The following LTBP4 variants were observed in gnomAD, a reference collection of about 807,000 sequenced individuals.
LTBP4 encodes latent-transforming growth factor beta-binding protein 4.
A neutral mutation model predicts 180.2 loss-of-function variants in LTBP4; 93 were observed. The observed-to-expected ratio is 0.52, with a 90% CI of 0.44 to 0.61. The LOEUF (loss-of-function observed/expected upper bound fraction) is 0.61, where lower values mean the gene tolerates loss of function less well. Ranked by LOEUF, LTBP4 falls within the 20% of genes least tolerant of loss-of-function variation. The pLI, the probability that LTBP4 is intolerant of heterozygous loss-of-function variation, is 0.00. For synonymous variants in LTBP4, 947 were observed against 934.5 expected (o/e 1.01, Z -0.24); for missense variants, 2,116 against 2,256.5 (o/e 0.94, Z 1.26).
upstream of LTBP4, among the ~76,000 whole-genome samples, chr19:40,598,156 A>G (rs1429711646): frequency 1.1e-4 from 17 of 149,734 alleles, no homozygotes; most frequent in Admixed American, 1.1e-3. Flanking sequence ...CTCCGTTACA[A>G]AGGCCCCGGG....
chr19:40,628,772 G>A (rs1161174735), intron 29 of LTBP4, among the ~76,000 whole-genome samples: 2 of 152,130 alleles, frequency 1.3e-5, no homozygotes, highest in African/African-American at 4.8e-5. Context: ...GAAGGACAAA[G>A]TTAATACTTG....
At position 40,605,739 on chromosome 19, in the gene LTBP4, C is replaced by T; in HGVS notation, c.701C>T (p.Pro234Leu). Residue 234 changes from proline to leucine, a missense_variant, in exon 4 of 30, where the codon CCG becomes CTG. Pro to Leu is a moderately conservative substitution (Grantham distance 98). Transcript: ENST00000396819. The surrounding 1 kb of genome is among the most constrained non-coding windows in gnomAD (Gnocchi z 5.5). The part of the protein sequence containing the change: ...RELRGGECAS[P>L]LPGLRTQEVC... Reference sequence around the variant, plus strand: ...AACACTTCCCCGCAGTGCGCGTCCCCGCTGCCCGGGCTCCGGACGCAGGAG... The same window carrying T: ...AACACTTCCCCGCAGTGCGCGTCCCTGCTGCCCGGGCTCCGGACGCAGGAG... 1 of 1,545,684 alleles carries T rather than the reference C, an allele frequency of 6.5e-7. No individual in the cohort carries two copies. Among genetic ancestry groups the T allele is most frequent in the Non-Finnish European group, 8.7e-7 (1 of 1,146,552 alleles).
Position 40,612,167 on chromosome 19 carries a change from C to T in LTBP4, c.2274C>T (p.His758=). ...SFQCRTCPSG[H]HLHRGRCTDV... is the part of the protein sequence containing the mutation. The stretch of plus-strand genomic sequence containing the variant: ...AGTGCAGGACCTGTCCTTCTGGCCA[C>T]CACCTGCACCGTGGCAGATGCACTG... The change falls in exon 15 of 30, where the codon CAC becomes CAT. Residue 758 remains histidine, a synonymous_variant. Coordinates refer to ENST00000396819, the MANE Select transcript of LTBP4 (RefSeq NM_001042545.2). The T allele has an allele frequency of 1.2e-6, 2 of 1,609,456 alleles. No homozygotes were observed. The highest frequency in any genetic ancestry group is 1.7e-6 in the Non-Finnish European group (2 of 1,178,192).
rs1227258409 is a variant in LTBP4, at chr19:40,622,665, C to A, written c.3482C>A (p.Thr1161Lys). 1.4e-5 allele frequency: 22 copies of A among 1,599,414 alleles called. No homozygotes were observed. The highest frequency in any genetic ancestry group is 1.7e-5 in the Non-Finnish European group (20 of 1,172,738). The part of the protein sequence containing the change: ...CRIQQCPGTE[T>K]AEYQSLCPHG... ...ATCCAGCAGTGCCCGGGCACCGAGA[C>A]AGGTGGGCATGGGCTGATGGGGACA... is the stretch of plus-strand genomic sequence containing the variant. Residue 1161 changes from threonine (T) to lysine (K), a missense_variant and splice_region_variant, in exon 23 of 30, where the codon ACA becomes AAA. Physicochemically the swap from Thr to Lys is moderately conservative, Grantham distance 78 (BLOSUM62 -1). This residue lies in a region of LTBP4 where 278 missense variants were observed against 373.0 expected (regional missense o/e 0.75). Transcript: ENST00000396819. The surrounding 1 kb of genome is among the most constrained non-coding windows in gnomAD (Gnocchi z 5.1).
rs569910924 is a variant in LTBP4 at position 40,613,315 on chromosome 19, A to G, written c.2432-89A>G. ...TGTGGGAGGAGCTTAGAAACCTGGC[A>G]TTGGTGGGGGCGGGGTTACTGCGAT... On this transcript the variant is annotated intron_variant, in intron 16 of 29. Coordinates refer to ENST00000396819, the MANE Select transcript of LTBP4 (RefSeq NM_001042545.2). This position sits in a 1 kb window ranked among gnomAD's most constrained non-coding sequence, Gnocchi z 5.0. 5.8e-4 allele frequency: 904 copies of G among 1,549,458 alleles called. 7 individuals are homozygous for G. Among genetic ancestry groups the G allele is most frequent in the Middle Eastern group, 8.4e-4 (5 of 5,980 alleles).
chr19:40,613,168 G>C lies in LTBP4; in HGVS notation c.2403G>C (p.Ala801=), dbSNP rs761658177. 6.4e-7 allele frequency: 1 copy of C among 1,570,756 alleles called. No homozygotes were observed. The highest frequency in any genetic ancestry group is 1.9e-5 in the Admixed American group (1 of 53,404). Residue 801 remains alanine, a synonymous_variant, in exon 16 of 30, where the codon GCG becomes GCC. Transcript: ENST00000396819. The surrounding 1 kb of genome is among the most constrained non-coding windows in gnomAD (Gnocchi z 5.0). ...FRCSCAPGYR[A]PSGRPGPCAD... ...GCAGCTGCGCGCCAGGCTACCGGGC[G>C]CCGTCGGGTCGGCCCGGGCCCTGCG...
At chr19:40,619,161 A>T (rs1206285153) in intron 21 of LTBP4, among the ~76,000 whole-genome samples, 186 bp from the exon 22 acceptor site, 1 of 152,096 alleles carries the variant, frequency 6.6e-6, no homozygotes, top group Admixed American at 6.6e-5. Context: ...AAAGAACAGG[A>T]TTGAAAATAG....
At position 40,609,455 on chromosome 19, in the gene LTBP4, G is replaced by A; in HGVS notation, c.1427-75G>A. The A allele has an allele frequency of 6.3e-7, 1 of 1,574,958 alleles. No individual in the cohort carries two copies. The highest frequency in any genetic ancestry group is 8.7e-7 in the Non-Finnish European group (1 of 1,150,944). On this transcript the variant is annotated intron_variant, in intron 9 of 29. Transcript: ENST00000396819. This position sits in a 1 kb window ranked among gnomAD's most constrained non-coding sequence, Gnocchi z 4.9. ...GAAGGTGTTTTATGGATGTCTCCGGGGGTGGGGGTTTTACTGGGATGAAAG... is the reference window on the plus strand; with the variant it reads ...GAAGGTGTTTTATGGATGTCTCCGGAGGTGGGGGTTTTACTGGGATGAAAG...
At position 40,619,355 on chromosome 19, in the gene LTBP4, G is replaced by T; in HGVS notation, c.3079G>T (p.Glu1027Ter). The change falls in exon 22 of 30, where the codon GAG becomes TAG. Residue 1027 changes from glutamate (E) to a stop codon, truncating the protein, a stop_gained. Coordinates refer to ENST00000396819, the MANE Select transcript of LTBP4 (RefSeq NM_001042545.2). LOFTEE classifies it high-confidence loss of function. ...RDGRHCVDVNECETLQGVCGA... is the reference protein window; with the variant it reads ...RDGRHCVDVN ...TTGTCTCCTGCTTACAGATGTGAAC[G>T]AGTGTGAAACACTACAGGGTGTATG... is the stretch of plus-strand genomic sequence containing the variant. 6.2e-7 allele frequency: 1 copy of T among 1,613,570 alleles called. No individual in the cohort carries two copies. The highest frequency in any genetic ancestry group is 8.5e-7 in the Non-Finnish European group (1 of 1,179,624).
At position 40,627,787 on chromosome 19, in the gene LTBP4, C is replaced by T; in HGVS notation, c.4449C>T (p.Arg1483=). 1.3e-6 allele frequency: 2 copies of T among 1,569,698 alleles called. No individual in the cohort carries two copies. Among genetic ancestry groups the T allele is most frequent in the Non-Finnish European group, 1.7e-6 (2 of 1,161,842 alleles). The change falls in exon 29 of 30, where the codon CGC becomes CGT. Residue 1483 remains arginine (R), a synonymous_variant. Transcript: ENST00000396819. The stretch of plus-strand genomic sequence containing the variant: ...GCTGCACCAACGGCCGCTGCGTGCG[C>T]GTCCCCGAAGGCTTCACCTGCCGTT... ...LDGCTNGRCV[R]VPEGFTCRCF...
At chr19:40,625,634 T>C (rs1490678171) in intron 26 of LTBP4, among the ~76,000 whole-genome samples, 2 of 152,114 alleles carry the variant, frequency 1.3e-5, no homozygotes, top group African/African-American at 4.8e-5. Context: ...CTCCCAGTCA[T>C]TGGACACCTT....
In LTBP4 at chr19:40,611,912, A is replaced by G; in HGVS notation, c.2107A>G (p.Asn703Asp). 6.2e-7 allele frequency: 1 copy of G among 1,610,332 alleles called. No homozygotes were observed. Among genetic ancestry groups the G allele is most frequent in the African/African-American group, 1.3e-5 (1 of 74,904 alleles). Residue 703 changes from asparagine to aspartate, a missense_variant, in exon 14 of 30, where the codon AAC (asparagine) becomes GAC (aspartate). Asn to Asp is a conservative substitution (Grantham distance 23). Around this residue, in one of 5 missense-constraint regions of LTBP4, gnomAD observed 877 missense variants for 873.6 expected, o/e 1.00. Coordinates refer to ENST00000396819, the MANE Select transcript of LTBP4 (RefSeq NM_001042545.2). This position sits in a 1 kb window ranked among gnomAD's most constrained non-coding sequence, Gnocchi z 4.4. ...PPPCTYGRCE[N>D]TEGSFQCVCP... ...ACCCTGCACCTACGGCCGGTGTGAG[A>G]ACACAGAAGGCAGCTTCCAGTGTGT...
chr19:40,627,650 G>A, intron 28 of LTBP4, 55 bp from the exon 29 acceptor site: 1 of 1,547,866 alleles, frequency 6.5e-7, no homozygotes, highest in Non-Finnish European at 8.7e-7. Flanking sequence ...CCACCGTTGT[G>A]GGTAAGGGGT....
rs1409557193 is a variant in LTBP4 at position 40,612,059 on chromosome 19, C to A, written c.2180-14C>A. The A allele has an allele frequency of 1.2e-6, 2 of 1,612,818 alleles. No individual in the cohort carries two copies. Among genetic ancestry groups the A allele is most frequent in the Non-Finnish European group, 1.7e-6 (2 of 1,179,458 alleles). ...GACCACTTCTTCAAGGCCACCCTCTCCCCTGCCCCCCAGATGTGGATGAGT... is the reference window on the plus strand; with the variant it reads ...GACCACTTCTTCAAGGCCACCCTCTACCCTGCCCCCCAGATGTGGATGAGT... On this transcript the variant is annotated splice_polypyrimidine_tract_variant and intron_variant, in intron 14 of 29. Transcript: ENST00000396819.
At position 40,611,055 on chromosome 19, in the gene LTBP4, G is replaced by C. The variant is rs2081501813; in HGVS notation, c.1811-97G>C. The C allele has an allele frequency of 6.6e-7, 1 of 1,514,944 alleles. No individual in the cohort carries two copies. Among genetic ancestry groups the C allele is most frequent in the African/African-American group, 1.4e-5 (1 of 72,968 alleles). The allele number at this position is 1,514,944 out of a possible 1,614,324, so 93.8% of individuals were successfully genotyped here. ...GGTGACAAGGAGGAATAGAGATGGG[G>C]TCACGGGGACAGAATGTTGGAGGGT... is the stretch of plus-strand genomic sequence containing the variant. On this transcript the variant is annotated intron_variant, in intron 12 of 29. Transcript: ENST00000396819. The surrounding 1 kb of genome is among the most constrained non-coding windows in gnomAD (Gnocchi z 4.4).
upstream of LTBP4, among the ~76,000 whole-genome samples, chr19:40,598,809 A>C (rs2081404895): frequency 6.6e-6 from 1 of 152,088 alleles, no homozygotes; most frequent in Non-Finnish European, 1.5e-5. Flanking sequence ...TGAGTCCCGG[A>C]CCGGGATGTG....
chr19:40,600,873 C>T (rs1195149348), upstream of LTBP4, among the ~76,000 whole-genome samples: 1 of 152,118 alleles, frequency 6.6e-6, no homozygotes, highest in Non-Finnish European at 1.5e-5. The surrounding 1 kb of genome is among the most constrained non-coding windows in gnomAD (Gnocchi z 4.4). Context: ...ACGCCCAATT[C>T]CTTTATGTGC....
At chr19:40,597,143 C>T, upstream of LTBP4, 1 of 904,088 alleles carries the variant, frequency 1.1e-6, no homozygotes, top group Non-Finnish European at 1.4e-6. Context: ...CGGCCTCGGG[C>T]GGGGGCGGGG....
chr19:40,612,720 C>T (rs529969490), intron 15 of LTBP4, among the ~76,000 whole-genome samples: 1 of 152,340 alleles, frequency 6.6e-6, no homozygotes, highest in South Asian at 2.1e-4. Flanking sequence ...AGATTCCAGT[C>T]ACTAACTCTG....
Sources: allele counts gnomAD v4.1 joint callset (sites outside exome capture counted in the v4.1 genomes callset), GRCh38; gene constraint gnomAD v4.1.1; regional missense constraint gnomAD v4.1.1; non-coding constraint Gnocchi (gnomAD v3.1); transcripts MANE v1.5; gene names NCBI Gene and HGNC (gene_info 2026-07-23, HGNC 2026-07-21).